Variants in CSMD1 observed in about 807,000 individuals in gnomAD.
CSMD1 encodes CUB and sushi domain-containing protein 1.
In CSMD1, 213 loss-of-function variants were observed where a neutral mutation model predicts 417.5. The observed-to-expected ratio is 0.51, with a 90% confidence interval of 0.46 to 0.57. The LOEUF (loss-of-function observed/expected upper bound fraction) is 0.57. Among genes scored for constraint, CSMD1 ranks in the 20% least tolerant of loss-of-function variants. The probability of loss-of-function intolerance (pLI) is 0.00; values close to 1 mark genes in which losing one functional copy is unlikely to be tolerated. For missense variants in CSMD1, 6,923 were observed against 4,529.7 expected, an observed-to-expected ratio of 1.53 and a Z score of -15.17; for synonymous variants, 2,862 against 1,736.8, an observed-to-expected ratio of 1.65 and a Z score of -16.11.
At chr8:3,974,674 C>CTT (rs35314971) in intron 5 of CSMD1, among the ~76,000 whole-genome samples, 8 of 147,570 alleles carry the variant, frequency 5.4e-5, no homozygotes, top group African/African-American at 1.2e-4. Context: ...GCGTGCAGCT[C>CTT]TTTTTTTTTT....
intron 26 of CSMD1, among the ~76,000 whole-genome samples, chr8:3,268,044 G>A (rs1050394341): frequency 4.6e-5 from 7 of 152,046 alleles, no homozygotes; most frequent in Admixed American, 6.6e-5. Context: ...TATGAGGGAC[G>A]GGCCAATCTT....
At chr8:3,767,655 G>C (rs1305527337) in intron 5 of CSMD1, among the ~76,000 whole-genome samples, 1 of 152,104 alleles carries the variant, frequency 6.6e-6, no homozygotes, top group Non-Finnish European at 1.5e-5. Flanking sequence ...TACTGTATAT[G>C]ATATATGGTA....
intron 42 of CSMD1, among the ~76,000 whole-genome samples, chr8:3,110,950 A>G (rs1036542044): frequency 6.6e-6 from 1 of 152,206 alleles, no homozygotes; most frequent in African/African-American, 2.4e-5. Flanking sequence ...TAAGAAATTT[A>G]TATTTATTAT....
rs1178858394 is a variant in CSMD1, at chr8:3,796,415, C to CATGTATATAGATATA, written c.819-42374_819-42373insTATATCTATATACAT. Among the ~76,000 whole-genome samples the CATGTATATAGATATA allele has an allele frequency of 6.2e-4, 35 of 56,580 alleles. 11 individuals carry two copies. In the East Asian group the frequency reaches 0.012, roughly 19 times the overall value. The allele number at this position is 56,580 out of a possible 152,430, so 37.1% of individuals were successfully genotyped here. On this transcript the variant is annotated intron_variant, in intron 5 of 69. Coordinates refer to ENST00000635120, the MANE Select transcript of CSMD1 (RefSeq NM_033225.6). ...ATCATGTATAGATATAGATATATAT[C>CATGTATATAGATATA]TATCATGTATAGATATATATATCTA... is the stretch of plus-strand genomic sequence containing the variant.
intron 5 of CSMD1, among the ~76,000 whole-genome samples, chr8:3,969,353 A>G (rs756318158): frequency 1.3e-5 from 2 of 152,220 alleles, no homozygotes; most frequent in Non-Finnish European, 1.5e-5. Flanking sequence ...CTAATGGAAC[A>G]TCACAGAATG....
chr8:4,314,282 C>T (rs756038981), intron 3 of CSMD1, among the ~76,000 whole-genome samples: 2 of 152,068 alleles, frequency 1.3e-5, no homozygotes, highest in Non-Finnish European at 2.9e-5. Flanking sequence ...TTACAATCGA[C>T]AAAGTACATA....
intron 3 of CSMD1, among the ~76,000 whole-genome samples, chr8:4,412,682 T>C (rs1288790226): frequency 1.3e-5 from 2 of 152,206 alleles, no homozygotes; most frequent in East Asian, 1.9e-4. Context: ...GGGTTAAATG[T>C]ATATTAAGTT....
chr8:3,986,756 G>C (rs968119676), intron 5 of CSMD1, among the ~76,000 whole-genome samples: 38 of 132,202 alleles, frequency 2.9e-4, no homozygotes, highest in African/African-American at 4.7e-4. Flanking sequence ...CAATGTTTAA[G>C]TGATTTTTCT....
intron 3 of CSMD1, among the ~76,000 whole-genome samples, chr8:4,115,006 T>C (rs1171577698): frequency 2.0e-5 from 3 of 152,210 alleles, no homozygotes; most frequent in Non-Finnish European, 4.4e-5. Flanking sequence ...AGAAACCTAG[T>C]TGATAATGCA....
At chr8:3,122,809 G>C in intron 41 of CSMD1, among the ~76,000 whole-genome samples, 1 of 152,068 alleles carries the variant, frequency 6.6e-6, no homozygotes, top group East Asian at 1.9e-4. Flanking sequence ...TCCCAGTCTT[G>C]GGTAGGTCTT....
intron 12 of CSMD1, among the ~76,000 whole-genome samples, chr8:3,454,446 G>T (rs1179352696): frequency 6.6e-6 from 1 of 152,172 alleles, no homozygotes; most frequent in Non-Finnish European, 1.5e-5. Context: ...TGCAGTGGCT[G>T]GTACCGGTTG....
intron 1 of CSMD1, among the ~76,000 whole-genome samples, chr8:4,906,181 A>T (rs116531042): frequency 0.031 from 4,734 of 152,268 alleles, 84 homozygotes; most frequent in Middle Eastern, 0.078. Flanking sequence ...AGAACCCTTG[A>T]GTCTAGAAAA....
chr8:4,099,813 CCT>C (rs1479606044), intron 3 of CSMD1, among the ~76,000 whole-genome samples: 5 of 152,126 alleles, frequency 3.3e-5, no homozygotes, highest in African/African-American at 9.7e-5. Context: ...ACTTTAAATC[CCT>C]GATTGTATCC....
At chr8:4,823,848 C>T (rs1043495577) in intron 1 of CSMD1, among the ~76,000 whole-genome samples, 1 of 151,690 alleles carries the variant, frequency 6.6e-6, no homozygotes, top group Non-Finnish European at 1.5e-5. Context: ...ATAAATGAGG[C>T]TTGAGAGAAT....
intron 2 of CSMD1, among the ~76,000 whole-genome samples, chr8:4,630,947 T>C (rs1585360212): frequency 1.3e-5 from 2 of 152,250 alleles, no homozygotes; most frequent in Middle Eastern, 3.4e-3. Flanking sequence ...CCCAGTGCCA[T>C]CAATAAGAAG....
At chr8:4,088,396 A>T (rs1800534457) in intron 3 of CSMD1, among the ~76,000 whole-genome samples, 1 of 152,198 alleles carries the variant, frequency 6.6e-6, no homozygotes, top group South Asian at 2.1e-4. Flanking sequence ...TTTGTCGGTA[A>T]CACCTTTTCT....
In CSMD1 at chr8:4,154,003, C is replaced by T. The variant is rs556615994; in HGVS notation, c.416-121904G>A. Reference sequence around the variant, plus strand: ...GAAGGCAGAATCCAATGATAGCTTTCCATCCTCATTTTGCACCGTATTTTC... The same window carrying T: ...GAAGGCAGAATCCAATGATAGCTTTTCATCCTCATTTTGCACCGTATTTTC... On this transcript the variant is annotated intron_variant, in intron 3 of 69. Transcript: ENST00000635120. Among the ~76,000 whole-genome samples the T allele has an allele frequency of 1.2e-4, 19 of 152,300 alleles. No individual in the cohort carries two copies. In the South Asian group the frequency reaches 3.7e-3, roughly 30 times the overall value.
intron 6 of CSMD1, among the ~76,000 whole-genome samples, chr8:3,720,843 G>T: frequency 6.6e-6 from 1 of 151,756 alleles, no homozygotes; most frequent in African/African-American, 2.4e-5. Context: ...CGAGAGTCTC[G>T]CTCTGTTGCC....
At chr8:4,436,658 C>G (rs1798165909) in intron 2 of CSMD1, among the ~76,000 whole-genome samples, 1 of 152,048 alleles carries the variant, frequency 6.6e-6, no homozygotes. Context: ...CAATCACCAC[C>G]TCCTTCCTTC....
Sources: gnomAD v4.1 joint callset for allele counts (sites outside exome capture counted in the v4.1 genomes callset) on GRCh38, gnomAD v4.1.1 for gene constraint, MANE v1.5 for transcripts, NCBI Gene and HGNC (gene_info 2026-07-23, HGNC 2026-07-21) for gene names.